LYRM1: variants seen among roughly 807,000 people sequenced by gnomAD.
LYRM1 encodes the protein LYR motif-containing protein 1.
LYRM1 carries 14 observed loss-of-function variants against 14.9 expected under a neutral mutation model. The ratio of observed to expected loss-of-function variants is 0.94; its 90% confidence interval spans 0.62 to 1.47. LYRM1 has a LOEUF of 1.47. LYRM1 is among the 40% of genes most tolerant of loss of function. LYRM1 has a pLI of 0.00. For missense variants in LYRM1, 153 were observed against 149.9 expected (o/e 1.02, Z -0.11); for synonymous variants, 43 against 56.2 (o/e 0.77, Z 1.05).
Position 20,906,117 on chromosome 16 carries a change from G to A in LYRM1, c.-1+5228G>A, listed in dbSNP as rs541117892. ...TACTCCCTGCAACACACACATGGTGGAAAAAGAAAGGTAAGTCATGCAAAA... is the reference window on the plus strand; with the variant it reads ...TACTCCCTGCAACACACACATGGTGAAAAAAGAAAGGTAAGTCATGCAAAA... On this transcript the variant is annotated intron_variant, in intron 1 of 3. Transcript: ENST00000567954. Among the ~76,000 whole-genome samples, 9 of 152,236 alleles carry A rather than the reference G, an allele frequency of 5.9e-5. No homozygotes were observed. The East Asian group carries it at 1.7e-3, about 29-fold the overall frequency.
intron 1 of LYRM1, among the ~76,000 whole-genome samples, chr16:20,913,313 C>G (rs1002297047): frequency 1.6e-5 from 2 of 123,446 alleles, no homozygotes; most frequent in Admixed American, 1.7e-4. Flanking sequence ...AGTATCTTTT[C>G]TTTGTTTTTT....
chr16:20,921,991 C>T (rs2083215862), intron 3 of LYRM1: 1 of 148,028 alleles, frequency 6.8e-6, no homozygotes, highest in African/African-American at 2.5e-5. Context: ...AGCTCTCCCT[C>T]AATCTTTTTT....
At position 20,915,678 on chromosome 16, in the gene LYRM1, A is replaced by G. The variant is rs747510247; in HGVS notation, c.123A>G (p.Leu41=). ...CCATCAAAGAAAAACAGTACATACT[A>G]AATGAAGCCAGAACGCTGTTCCGGA... The part of the protein sequence containing the change: ...EDTIKEKQYI[L]NEARTLFRKN... The change falls in exon 2 of 4, where the codon CTA becomes CTG. Residue 41 remains leucine, a synonymous_variant. Transcript: ENST00000567954. The G allele has an allele frequency of 6.2e-7, 1 of 1,614,186 alleles. No individual in the cohort carries two copies. Among genetic ancestry groups the G allele is most frequent in the Non-Finnish European group, 8.5e-7 (1 of 1,180,006 alleles).
intron 1 of LYRM1, among the ~76,000 whole-genome samples, chr16:20,910,217 A>G (rs1157720435): frequency 6.6e-6 from 1 of 152,236 alleles, no homozygotes; most frequent in East Asian, 1.9e-4. Flanking sequence ...CAAACCCAGT[A>G]AGAAAAGAAC....
intron 1 of LYRM1, among the ~76,000 whole-genome samples, chr16:20,911,666 C>T (rs2082597561): frequency 6.6e-6 from 1 of 152,058 alleles, no homozygotes; most frequent in South Asian, 2.1e-4. Context: ...CAGAATCTTC[C>T]AGTAGTGGGA....
rs191071936 is a variant in LYRM1 at position 20,915,795 on chromosome 16, A to T, written c.159+81A>T. The T allele has an allele frequency of 4.8e-6, 7 of 1,455,490 alleles. No individual in the cohort carries two copies. In the East Asian group the frequency reaches 1.7e-4, roughly 35 times the overall value. The allele number at this position is 1,455,490 out of a possible 1,614,324, so 90.2% of individuals were successfully genotyped here. A position where few individuals can be genotyped will look rare whatever the true frequency, so the allele number is the denominator to read the frequency against. ...GTTTATTTCTTTTCGGTCTTTAATCAAGAGGGCTGAGCCGCACAGTCATGG... is the reference window on the plus strand; with the variant it reads ...GTTTATTTCTTTTCGGTCTTTAATCTAGAGGGCTGAGCCGCACAGTCATGG... On this transcript the variant is annotated intron_variant, in intron 2 of 3. Transcript: ENST00000567954.
chr16:20,921,093 A>G (rs1169191170), intron 3 of LYRM1, among the ~76,000 whole-genome samples: 1 of 151,978 alleles, frequency 6.6e-6, no homozygotes, highest in Non-Finnish European at 1.5e-5. Flanking sequence ...AGTTTTATTT[A>G]TTTATTTATT....
intron 1 of LYRM1, among the ~76,000 whole-genome samples, chr16:20,907,139 T>G (rs1006044398): frequency 1.3e-5 from 2 of 152,154 alleles, no homozygotes; most frequent in Non-Finnish European, 2.9e-5. Context: ...TGTACAAGTG[T>G]TGGAATTATA....
At position 20,913,069 on chromosome 16, in the gene LYRM1, AAATAATAAT is replaced by A. The variant is rs34662196; in HGVS notation, c.1-2465_1-2457del. Among the ~76,000 whole-genome samples, 62 of 145,054 alleles carry A rather than the reference AAATAATAAT, an allele frequency of 4.3e-4. 1 individual carries two copies. Among genetic ancestry groups the A allele is most frequent in the African/African-American group, 1.3e-3 (52 of 39,436 alleles). On this transcript the variant is annotated intron_variant, in intron 1 of 3. Coordinates refer to ENST00000567954, the MANE Select transcript of LYRM1 (RefSeq NM_001128302.3). ...CAACAAAAGCGAAACTCTGTCTCAAAAATAATAATAATAATAATAATAATAATAATTAAA... is the reference window on the plus strand; with the variant it reads ...CAACAAAAGCGAAACTCTGTCTCAAAAATAATAATAATAATAATAATTAAA...
At position 20,915,715 on chromosome 16, in the gene LYRM1, G is replaced by GT. The variant is rs1174722575; in HGVS notation, c.159+2dup. On this transcript the variant is annotated splice_donor_variant, in intron 2 of 3. Transcript: ENST00000567954. LOFTEE classifies it high-confidence loss of function. Reference sequence around the variant, plus strand: ...AACGCTGTTCCGGAAAAACAAAAATGTAAGTAGGCCCCACTTGGAGATTGT... The same window carrying GT: ...AACGCTGTTCCGGAAAAACAAAAATGTTAAGTAGGCCCCACTTGGAGATTGT... 4 of 1,613,520 alleles carry GT rather than the reference G, an allele frequency of 2.5e-6. No homozygotes were observed. The highest frequency in any genetic ancestry group is 1.1e-5 in the South Asian group (1 of 91,074).
intron 1 of LYRM1, among the ~76,000 whole-genome samples, chr16:20,913,054 G>A (rs1476748624): frequency 6.8e-6 from 1 of 146,414 alleles, no homozygotes; most frequent in Non-Finnish European, 1.5e-5. Context: ...CAACAAAAGC[G>A]AAACTCTGTC....
chr16:20,915,930 TAA>T, intron 2 of LYRM1, among the ~76,000 whole-genome samples: 1 of 152,098 alleles, frequency 6.6e-6, no homozygotes, highest in Non-Finnish European at 1.5e-5. Flanking sequence ...AGCCAGCCAG[TAA>T]GTGGCTCAGT....
intron 1 of LYRM1, among the ~76,000 whole-genome samples, chr16:20,912,644 T>C (rs111334177): frequency 6.6e-6 from 1 of 152,194 alleles, no homozygotes; most frequent in African/African-American, 2.4e-5. Flanking sequence ...TTGGGATATC[T>C]TCATACAGCA....
chr16:20,908,195 G>A (rs1016539211), intron 1 of LYRM1, among the ~76,000 whole-genome samples: 2 of 152,214 alleles, frequency 1.3e-5, no homozygotes, highest in African/African-American at 4.8e-5. Flanking sequence ...CTTAGAGCAT[G>A]CTGGTGTGTA....
chr16:20,913,124 A>T (rs2082686883), intron 1 of LYRM1, among the ~76,000 whole-genome samples: 3 of 151,014 alleles, frequency 2.0e-5, no homozygotes, highest in African/African-American at 7.3e-5. Context: ...AAACTTGCAA[A>T]GCAATACTAT....
At chr16:20,920,592 A>G (rs1442482662) in intron 3 of LYRM1, 2 of 232,676 alleles carry the variant, frequency 8.6e-6, no homozygotes, top group Non-Finnish European at 1.7e-5. Flanking sequence ...AAAATGGTCA[A>G]AAATTCTCAT....
At chr16:20,908,223 G>A (rs531043446) in intron 1 of LYRM1, among the ~76,000 whole-genome samples, 3 of 152,304 alleles carry the variant, frequency 2.0e-5, no homozygotes, top group South Asian at 2.1e-4. Flanking sequence ...TAAAAAGGGC[G>A]GTTGCAGGTT....
chr16:20,915,817 A>G, intron 2 of LYRM1, 103 bp downstream of exon 2: 13 of 1,273,912 alleles, frequency 1.0e-5, no homozygotes, highest in Non-Finnish European at 1.2e-5. Flanking sequence ...CCGCACAGTC[A>G]TGGTGGCAGA....
intron 1 of LYRM1, among the ~76,000 whole-genome samples, chr16:20,908,725 T>G (rs1351240515): frequency 2.0e-5 from 3 of 152,232 alleles, no homozygotes; most frequent in Non-Finnish European, 4.4e-5. Context: ...CAGAACTATC[T>G]GCTGGCCATG....
Sources: allele counts gnomAD v4.1 joint callset (sites outside exome capture counted in the v4.1 genomes callset), GRCh38; gene constraint gnomAD v4.1.1; transcripts MANE v1.5; gene names NCBI Gene and HGNC (gene_info 2026-07-23, HGNC 2026-07-21).